NUP188: variants seen among roughly 807,000 people sequenced by gnomAD.
The protein encoded by NUP188 is nucleoporin 188, also known as nucleoporin NUP188.
NUP188 carries 97 observed loss-of-function variants against 223.0 expected under a neutral mutation model. The observed-to-expected ratio is 0.43, with a 90% CI of 0.37 to 0.51. NUP188 has a LOEUF of 0.51. NUP188 is among the 20% of genes least tolerant of loss of function. The pLI, the probability that NUP188 is intolerant of heterozygous loss-of-function variation, is 0.00. For synonymous variants in NUP188, 869 were observed against 828.0 expected (o/e 1.05, Z -0.85); for missense variants, 1,947 against 2,175.6 (o/e 0.89, Z 2.09).
intron 38 of NUP188, among the ~76,000 whole-genome samples, chr9:129,004,294 AAAAAACT>A (rs932509245): frequency 1.3e-4 from 19 of 151,746 alleles, no homozygotes; most frequent in African/African-American, 4.4e-4. Context: ...AAAAAAAAAA[AAAAAACT>A]AAACTAAACA....
At chr9:128,982,860 G>A (rs1479865674) in intron 16 of NUP188, 42 bp from the exon 17 acceptor site, 2 of 1,612,460 alleles carry the variant, frequency 1.2e-6, no homozygotes, top group South Asian at 1.1e-5. Context: ...TGATCTTAAA[G>A]GGGTTGTTTG....
Position 129,006,766 on chromosome 9 carries a change from A to C in NUP188, c.*88A>C. On this transcript the variant is annotated 3_prime_UTR_variant, in exon 44 of 44. Transcript: ENST00000372577. ...GGTGCTGCTGGCTGCTAGGGCCTAT[A>C]CAATGGAGGGCACCTCCTGTCACCC... 1 of 1,376,884 alleles carries C rather than the reference A, an allele frequency of 7.3e-7. No homozygotes were observed. Among genetic ancestry groups the C allele is most frequent in the Non-Finnish European group, 9.8e-7 (1 of 1,024,154 alleles). 85.3% of individuals were successfully genotyped at this position (1,376,884 alleles called of 1,614,324 possible). A position where few individuals can be genotyped will look rare whatever the true frequency, so the allele number is the denominator to read the frequency against.
At chr9:128,970,010 C>T (rs1431977064) in intron 10 of NUP188, among the ~76,000 whole-genome samples, 1 of 151,802 alleles carries the variant, frequency 6.6e-6, no homozygotes, top group South Asian at 2.1e-4. Context: ...TCACTGCAAC[C>T]TCCACCTCCT....
At chr9:128,957,905 T>C in intron 5 of NUP188, 105 bp from the exon 6 acceptor site, 1 of 842,188 alleles carries the variant, frequency 1.2e-6, no homozygotes, top group South Asian at 1.6e-5. Flanking sequence ...TAGAAACAAA[T>C]GTGCAATTAT....
chr9:129,003,735 T>C, intron 38 of NUP188: 1 of 449,054 alleles, frequency 2.2e-6, no homozygotes. Flanking sequence ...GGCTCACGCC[T>C]GTAATCCTAG....
chr9:128,977,414 C>T (rs1441050163), intron 12 of NUP188, among the ~76,000 whole-genome samples: 3 of 151,960 alleles, frequency 2.0e-5, no homozygotes, highest in East Asian at 1.9e-4. Flanking sequence ...CCACCGTGCC[C>T]GACCAGGTAC....
At chr9:128,983,834 T>A (rs895805753) in intron 19 of NUP188, among the ~76,000 whole-genome samples, 1 of 151,890 alleles carries the variant, frequency 6.6e-6, no homozygotes, top group African/African-American at 2.4e-5. Flanking sequence ...CTTTTTTTAT[T>A]TTTTGAGATG....
chr9:128,977,725 G>A (rs1002012411), intron 12 of NUP188, among the ~76,000 whole-genome samples: 3 of 152,016 alleles, frequency 2.0e-5, no homozygotes, highest in African/African-American at 7.2e-5. Flanking sequence ...CTTAAACCGG[G>A]GAGGCGGAGG....
intron 25 of NUP188, among the ~76,000 whole-genome samples, chr9:128,990,837 C>T (rs901492363): frequency 1.3e-5 from 2 of 152,176 alleles, no homozygotes; most frequent in African/African-American, 4.8e-5. Flanking sequence ...TGCACTCCAG[C>T]CTGGGTGACA....
At chr9:128,994,796 T>C in intron 28 of NUP188, 60 bp from the exon 29 acceptor site, 4 of 1,356,030 alleles carry the variant, frequency 2.9e-6, no homozygotes, top group South Asian at 1.2e-5. Context: ...CCCTGTTTGA[T>C]ATACTGGGGG....
intron 8 of NUP188, among the ~76,000 whole-genome samples, chr9:128,965,538 C>T (rs1842015876): frequency 6.6e-6 from 1 of 152,004 alleles, no homozygotes; most frequent in African/African-American, 2.4e-5. Flanking sequence ...CTGCAACATC[C>T]ACTTCTAGGG....
chr9:128,979,053 G>T (rs555659134), intron 12 of NUP188, among the ~76,000 whole-genome samples: 1 of 152,160 alleles, frequency 6.6e-6, no homozygotes, highest in South Asian at 2.1e-4. Context: ...TCTATATTAA[G>T]GTGTTTATTT....
chr9:128,949,267 G>T, intron 2 of NUP188, 24 bp downstream of exon 2: 1 of 1,557,818 alleles, frequency 6.4e-7, no homozygotes, highest in African/African-American at 1.4e-5. Context: ...TTCTTGAGTG[G>T]GTTCTCTGGG....
chr9:128,961,682 C>T (rs1841957468), intron 8 of NUP188, among the ~76,000 whole-genome samples: 4 of 146,224 alleles, frequency 2.7e-5, no homozygotes, highest in Admixed American at 1.4e-4. Flanking sequence ...AGTTCGATGG[C>T]GTGATCTTGG....
intron 30 of NUP188, among the ~76,000 whole-genome samples, chr9:128,996,865 G>A (rs1238707079): frequency 6.6e-6 from 1 of 152,202 alleles, no homozygotes; most frequent in Non-Finnish European, 1.5e-5. Context: ...AGTCCAGGAT[G>A]TTGGTCACCC....
intron 3 of NUP188, among the ~76,000 whole-genome samples, chr9:128,954,454 G>A (rs1841840446): frequency 1.4e-5 from 2 of 142,962 alleles, no homozygotes; most frequent in South Asian, 2.2e-4. Flanking sequence ...GCACGATCTC[G>A]GCTCACTGCA....
intron 1 of NUP188, chr9:128,948,357 G>T (rs1486935342): frequency 6.6e-6 from 1 of 152,256 alleles, no homozygotes; most frequent in Non-Finnish European, 1.5e-5. Context: ...ATTGAACTAG[G>T]CTTTAGGGAC....
chr9:128,999,835 C>G (rs1391150764), intron 34 of NUP188, 30 bp downstream of exon 34: 1 of 1,603,928 alleles, frequency 6.2e-7, no homozygotes, highest in Non-Finnish European at 8.5e-7. Flanking sequence ...GGCCATCCGT[C>G]CTTTCCACTG....
At chr9:128,995,594 T>G (rs1407161076) in intron 30 of NUP188, 80 bp downstream of exon 30, 3 of 1,217,812 alleles carry the variant, frequency 2.5e-6, no homozygotes, top group Non-Finnish European at 3.5e-6. Flanking sequence ...ATACAGCTCC[T>G]TGTGCGGAAG....
Sources: allele counts gnomAD v4.1 joint callset (sites outside exome capture counted in the v4.1 genomes callset), GRCh38; gene constraint gnomAD v4.1.1; transcripts MANE v1.5; gene names NCBI Gene and HGNC (gene_info 2026-07-23, HGNC 2026-07-21).